DEPDC5: variants seen among roughly 807,000 people sequenced by gnomAD.
DEPDC5 encodes GATOR1 complex protein DEPDC5.
A neutral mutation model predicts 217.3 loss-of-function variants in DEPDC5; 73 were observed. That is an observed-to-expected ratio of 0.34 (90% CI 0.28 to 0.41). The LOEUF is 0.41. Ranked by LOEUF, DEPDC5 falls within the 10% of genes least tolerant of loss-of-function variation. The probability of loss-of-function intolerance (pLI) is 1.00; values close to 1 mark genes in which losing one functional copy is unlikely to be tolerated. For missense variants in DEPDC5, 1,675 were observed against 2,070.1 expected (o/e 0.81, Z 3.70); for synonymous variants, 733 against 756.7 (o/e 0.97, Z 0.51).
chr22:31,761,777 G>A (rs1004787387), intron 4 of DEPDC5, among the ~76,000 whole-genome samples: 27 of 151,778 alleles, frequency 1.8e-4, no homozygotes, highest in Middle Eastern at 3.4e-3. Flanking sequence ...CGACCAGCCT[G>A]GGCAAAACGG....
At chr22:31,836,212 G>A (rs2090984289) in intron 25 of DEPDC5, among the ~76,000 whole-genome samples, 1 of 152,206 alleles carries the variant, frequency 6.6e-6, no homozygotes, top group African/African-American at 2.4e-5. Context: ...GATGCCACTG[G>A]CATCTAGTGA....
intron 24 of DEPDC5, among the ~76,000 whole-genome samples, chr22:31,826,753 T>G (rs1292780503): frequency 6.6e-6 from 1 of 152,248 alleles, no homozygotes; most frequent in Non-Finnish European, 1.5e-5. Context: ...GAGCTTATCT[T>G]TATTCATTTT....
intron 40 of DEPDC5, among the ~76,000 whole-genome samples, chr22:31,899,572 T>C (rs2093612358): frequency 2.6e-5 from 4 of 152,192 alleles, no homozygotes; most frequent in Admixed American, 2.6e-4. Context: ...TTTGTATTTT[T>C]GTAGAGATGG....
chr22:31,794,917 A>G (rs2148538218), intron 12 of DEPDC5, among the ~76,000 whole-genome samples: 1 of 152,090 alleles, frequency 6.6e-6, no homozygotes, highest in East Asian at 1.9e-4. Context: ...ACAAAAGCAC[A>G]CCAGTATAGT....
rs563224551 is a variant in DEPDC5, at chr22:31,885,543, G to A, written c.4033+5791G>A. 1.4e-4 allele frequency among the ~76,000 whole-genome samples: 21 copies of A among 151,872 alleles called. No individual in the cohort carries two copies. The East Asian group carries it at 3.9e-3, about 28-fold the overall frequency. ...GATTGAGGCCATCCTGGCTAACACA[G>A]TGAAACCCCATCTCTACTAAAAATA... On this transcript the variant is annotated intron_variant, in intron 38 of 42. Transcript: ENST00000651528.
intron 40 of DEPDC5, among the ~76,000 whole-genome samples, chr22:31,901,059 A>G (rs1343186526): frequency 6.6e-6 from 1 of 152,174 alleles, no homozygotes; most frequent in East Asian, 1.9e-4. Context: ...ACTGGCCAAC[A>G]TGGTAAAACC....
chr22:31,843,608 C>CT, intron 28 of DEPDC5, 37 bp from the exon 29 acceptor site: 1 of 1,575,766 alleles, frequency 6.3e-7, no homozygotes, highest in Non-Finnish European at 8.7e-7. Context: ...TTGTCTCTAA[C>CT]TCTTTTGAAT....
At chr22:31,834,441 A>G (rs367676657) in intron 25 of DEPDC5, among the ~76,000 whole-genome samples, 1 of 152,178 alleles carries the variant, frequency 6.6e-6, no homozygotes. Context: ...ATAAAATAGC[A>G]GAGAAAATCC....
intron 33 of DEPDC5, among the ~76,000 whole-genome samples, chr22:31,868,194 T>C (rs1398863762): frequency 1.3e-5 from 2 of 152,162 alleles, no homozygotes; most frequent in African/African-American, 4.8e-5. Context: ...AATGGTTCTA[T>C]GAGAACCAGG....
chr22:31,809,096 T>A (rs539115321), intron 18 of DEPDC5, among the ~76,000 whole-genome samples: 1 of 152,168 alleles, frequency 6.6e-6, no homozygotes, highest in Non-Finnish European at 1.5e-5. Flanking sequence ...CTGAAAAAGA[T>A]CTTTAAGAAA....
intron 14 of DEPDC5, among the ~76,000 whole-genome samples, chr22:31,800,090 T>C (rs1166388271): frequency 6.6e-6 from 1 of 152,074 alleles, no homozygotes; most frequent in African/African-American, 2.4e-5. Flanking sequence ...TGTGAGCCAC[T>C]GCACCTGGCT....
chr22:31,862,976 C>T (rs969868412), intron 33 of DEPDC5, among the ~76,000 whole-genome samples: 22 of 152,132 alleles, frequency 1.4e-4, no homozygotes, highest in African/African-American at 5.3e-4. Context: ...CTCAGCGTCC[C>T]AAGTAGCTGG....
intron 40 of DEPDC5, 62 bp from the exon 41 acceptor site, chr22:31,901,680 G>A (rs2093651113): frequency 2.8e-6 from 4 of 1,436,266 alleles, no homozygotes; most frequent in Non-Finnish European, 2.9e-6. Context: ...CAGAAGACTG[G>A]CCCAGAGAGA....
intron 34 of DEPDC5, among the ~76,000 whole-genome samples, chr22:31,872,043 C>A (rs894506669): frequency 6.6e-6 from 1 of 152,192 alleles, no homozygotes; most frequent in African/African-American, 2.4e-5. Flanking sequence ...GATTTCTGGA[C>A]CCTCTGAATA....
intron 33 of DEPDC5, among the ~76,000 whole-genome samples, chr22:31,863,896 C>T (rs1333830501): frequency 6.6e-6 from 1 of 150,962 alleles, no homozygotes; most frequent in African/African-American, 2.4e-5. Context: ...GCACTCCAGC[C>T]TGGGCAACAG....
intron 36 of DEPDC5, chr22:31,875,093 A>ACTG (rs1013615318): frequency 2.5e-5 from 4 of 159,772 alleles, no homozygotes; most frequent in African/African-American, 9.7e-5. Context: ...GGAGGCCCCA[A>ACTG]CTGGAAGTCA....
chr22:31,886,755 CAAAAAA>C (rs1224610835), intron 38 of DEPDC5, among the ~76,000 whole-genome samples: 19 of 52,128 alleles, frequency 3.6e-4, no homozygotes, highest in African/African-American at 1.1e-3. Flanking sequence ...GTCTCCATCT[CAAAAAA>C]AAAAAAAAAA....
rs143394380 is a variant in DEPDC5, at chr22:31,851,117, A to G, written c.3155+4150A>G. Among the ~76,000 whole-genome samples the G allele has an allele frequency of 4.9e-4, 75 of 151,936 alleles. No individual in the cohort carries two copies. In the East Asian group the frequency reaches 0.014, roughly 28 times the overall value. ...TTTACTGGATTTACACAGGGTCCAC[A>G]TCTGCACCCAGCCACAGTGAGCTGG... is the stretch of plus-strand genomic sequence containing the variant. On this transcript the variant is annotated intron_variant, in intron 31 of 42. Transcript: ENST00000651528.
At chr22:31,793,313 T>C (rs952645912) in intron 12 of DEPDC5, among the ~76,000 whole-genome samples, 5 of 152,102 alleles carry the variant, frequency 3.3e-5, no homozygotes, top group African/African-American at 9.7e-5. Flanking sequence ...CTCCAAGATA[T>C]CATGTTGCAT....
Sources: allele counts gnomAD v4.1 joint callset (sites outside exome capture counted in the v4.1 genomes callset), GRCh38; gene constraint gnomAD v4.1.1; transcripts MANE v1.5; gene names NCBI Gene and HGNC (gene_info 2026-07-23, HGNC 2026-07-21).